The following DIP2A variants were observed in gnomAD, a reference collection of about 807,000 sequenced individuals.
The protein encoded by DIP2A is disco-interacting protein 2 homolog A.
In DIP2A, 85 loss-of-function variants were observed where a neutral mutation model predicts 177.4. The observed-to-expected ratio is 0.48, with a 90% CI of 0.40 to 0.57. The LOEUF (loss-of-function observed/expected upper bound fraction) is 0.57. DIP2A is among the 20% of genes least tolerant of loss of function. The pLI is 0.00. For missense variants in DIP2A, 1,791 were observed against 2,100.2 expected (o/e 0.85, Z 2.88); for synonymous variants, 886 against 881.8 (o/e 1.00, Z -0.08).
chr21:46,575,077 G>A, the DIP2A span, among the ~76,000 whole-genome samples: 14 of 152,030 alleles, frequency 9.2e-5, no homozygotes, highest in African/African-American at 3.4e-4. Context: ...ACACTATATA[G>A]CATTACAAAG....
At chr21:46,494,116 AC>A (rs1476053966) in intron 3 of DIP2A, among the ~76,000 whole-genome samples, 1 of 152,240 alleles carries the variant, frequency 6.6e-6, no homozygotes, top group East Asian at 1.9e-4. Context: ...AACAATAAAT[AC>A]TTCCTTAATA....
chr21:46,530,355 A>G (rs1449237479), intron 9 of DIP2A, among the ~76,000 whole-genome samples: 1 of 152,204 alleles, frequency 6.6e-6, no homozygotes, highest in African/African-American at 2.4e-5. Flanking sequence ...TTAAGAAGGA[A>G]ATGTCAATAT....
In DIP2A at chr21:46,569,512, A is replaced by C. The variant is rs887807281; in HGVS notation, c.*1890A>C. The C allele has an allele frequency of 5.9e-5, 9 of 152,028 alleles. No homozygotes were observed. The highest frequency in any genetic ancestry group is 1.9e-4 in the African/African-American group (8 of 41,410). 9.4% of individuals were successfully genotyped at this position (152,028 alleles called of 1,614,324 possible). On this transcript the variant is annotated 3_prime_UTR_variant, in exon 38 of 38. Transcript: ENST00000417564. ...AAAAAAAAAAAACTACCTAACTCCA[A>C]TCTTAATGTTGTAGTTTTATAGCAA...
At chr21:46,477,574 T>TGTGTGTG (rs1292980032) in intron 1 of DIP2A, among the ~76,000 whole-genome samples, 2 of 93,722 alleles carry the variant, frequency 2.1e-5, no homozygotes, top group South Asian at 6.4e-4. Context: ...TGTGTATTTC[T>TGTGTGTG]TTTTTTTTTT....
At chr21:46,512,240 C>G (rs761543992) in intron 8 of DIP2A, among the ~76,000 whole-genome samples, 1 of 152,098 alleles carries the variant, frequency 6.6e-6, no homozygotes, top group Non-Finnish European at 1.5e-5. Flanking sequence ...GTGGTTTCCA[C>G]TTTGGGGCTA....
Position 46,549,143 on chromosome 21 carries a change from T to TAC in DIP2A, c.2523-619_2523-618dup, listed in dbSNP as rs1039894735. On this transcript the variant is annotated intron_variant, in intron 21 of 37. Coordinates refer to ENST00000417564, the MANE Select transcript of DIP2A (RefSeq NM_015151.4). ...TGTGTAAATTGTGTGTGTGTGTGTG[T>TAC]ACACACACACCAGTCAAGTCAAAGG... 5.3e-5 allele frequency among the ~76,000 whole-genome samples: 8 copies of TAC among 152,104 alleles called. No homozygotes were observed. The South Asian group carries it at 1.5e-3, about 28-fold the overall frequency.
chr21:46,476,963 A>G (rs1159606895), intron 1 of DIP2A, among the ~76,000 whole-genome samples: 2 of 152,086 alleles, frequency 1.3e-5, no homozygotes, highest in Non-Finnish European at 2.9e-5. Flanking sequence ...AGCTCGTAGC[A>G]TCGCTCTTAA....
intron 8 of DIP2A, among the ~76,000 whole-genome samples, chr21:46,525,372 T>C (rs1447635476): frequency 6.6e-6 from 1 of 152,212 alleles, no homozygotes; most frequent in Non-Finnish European, 1.5e-5. Context: ...AAAGATAACC[T>C]ACTGTCCCGT....
intron 1 of DIP2A, among the ~76,000 whole-genome samples, 162 bp downstream of exon 1, chr21:46,459,384 C>A (rs1318857897): frequency 2.7e-5 from 4 of 147,842 alleles, no homozygotes; most frequent in Non-Finnish European, 6.0e-5. Context: ...TGCCCCTCAA[C>A]GGGACCCCGG....
At chr21:46,519,813 C>A (rs1366936804) in intron 8 of DIP2A, among the ~76,000 whole-genome samples, 3 of 140,704 alleles carry the variant, frequency 2.1e-5, no homozygotes, top group Non-Finnish European at 4.5e-5. Flanking sequence ...TATGGGATTG[C>A]TAGCTGATTC....
chr21:46,566,792 C>T, intron 37 of DIP2A, 109 bp downstream of exon 37: 1 of 1,418,422 alleles, frequency 7.1e-7, no homozygotes, highest in Non-Finnish European at 9.7e-7. Context: ...GCCCTGGGCA[C>T]AGGCCTCCTG....
At chr21:46,500,105 G>A (rs1396591648) in intron 5 of DIP2A, among the ~76,000 whole-genome samples, 11 of 152,162 alleles carry the variant, frequency 7.2e-5, no homozygotes, top group Admixed American at 5.9e-4. Context: ...CCTCTGTAGT[G>A]TGCATCACTG....
In DIP2A at chr21:46,551,734, G is replaced by A. The variant is rs1299807109; in HGVS notation, c.2940G>A (p.Gln980=). Reference sequence around the variant, plus strand: ...TCGCCCACCTGGAGGACAGCGACCAGGCACGGAAGGTGACAGGCCAGTTCC... The same window carrying A: ...TCGCCCACCTGGAGGACAGCGACCAAGCACGGAAGGTGACAGGCCAGTTCC... The part of the protein sequence containing the change: ...RELAHLEDSD[Q]ARKFLFLADV... Residue 980 remains glutamine, a synonymous_variant, in exon 24 of 38, where the codon CAG becomes CAA. Transcript: ENST00000417564. The A allele has an allele frequency of 1.2e-6, 2 of 1,613,996 alleles. No homozygotes were observed. The highest frequency in any genetic ancestry group is 3.3e-5 in the Admixed American group (2 of 60,026).
chr21:46,526,388 C>T (rs1315969304), intron 8 of DIP2A, among the ~76,000 whole-genome samples: 6 of 132,222 alleles, frequency 4.5e-5, no homozygotes, highest in Admixed American at 7.4e-5. Context: ...TCATCAAAAA[C>T]GTTCATTCCT....
chr21:46,549,298 T>C (rs2060181032), intron 21 of DIP2A, among the ~76,000 whole-genome samples: 1 of 152,126 alleles, frequency 6.6e-6, no homozygotes, highest in African/African-American at 2.4e-5. Flanking sequence ...ACTCAAAGTC[T>C]AAAAGAAGGA....
chr21:46,489,430 C>G (rs895600460), intron 2 of DIP2A, among the ~76,000 whole-genome samples: 28 of 152,198 alleles, frequency 1.8e-4, no homozygotes, highest in Admixed American at 3.3e-4. Flanking sequence ...TGCCGAGCAC[C>G]TGGCTCCCCA....
chr21:46,490,581 C>G lies in DIP2A; in HGVS notation c.164-19C>G. 1 of 1,544,780 alleles carries G rather than the reference C, an allele frequency of 6.5e-7. No individual in the cohort carries two copies. Among genetic ancestry groups the G allele is most frequent in the Non-Finnish European group, 8.7e-7 (1 of 1,145,490 alleles). On this transcript the variant is annotated intron_variant, in intron 2 of 37. Coordinates refer to ENST00000417564, the MANE Select transcript of DIP2A (RefSeq NM_015151.4). ...AGCAAATTGTTCACATAAGGTATTC[C>G]CATAAAATTGTGTTTCAGGAATAGA...
At chr21:46,520,015 C>T (rs1337303197) in intron 8 of DIP2A, among the ~76,000 whole-genome samples, 1 of 151,656 alleles carries the variant, frequency 6.6e-6, no homozygotes, top group Non-Finnish European at 1.5e-5. Context: ...GCTGGGACTA[C>T]AGGCACCCGC....
Position 46,567,484 on chromosome 21 carries a change from C to T in DIP2A, c.4578C>T (p.Tyr1526=). ...LVTNVVLEEH[Y]LVVGVVVIVD... is the part of the protein sequence containing the mutation. ...CCAACGTGGTGCTGGAGGAGCACTA[C>T]CTGGTCGTGGGAGTGGTGGTCATCG... The change falls in exon 38 of 38, where the codon TAC becomes TAT. Residue 1526 remains tyrosine (Y), a synonymous_variant. Coordinates refer to ENST00000417564, the MANE Select transcript of DIP2A (RefSeq NM_015151.4). 1 of 1,613,924 alleles carries T rather than the reference C, an allele frequency of 6.2e-7. No homozygotes were observed. Among genetic ancestry groups the T allele is most frequent in the Non-Finnish European group, 8.5e-7 (1 of 1,179,896 alleles).
Sources: gnomAD v4.1 joint callset for allele counts (sites outside exome capture counted in the v4.1 genomes callset) on GRCh38, gnomAD v4.1.1 for gene constraint, MANE v1.5 for transcripts, NCBI Gene and HGNC (gene_info 2026-07-23, HGNC 2026-07-21) for gene names.